CCDC122: variants seen among roughly 807,000 people sequenced by gnomAD.
CCDC122 encodes the protein coiled-coil domain-containing protein 122.
CCDC122 carries 38 observed loss-of-function variants against 37.0 expected under a neutral mutation model. The ratio of observed to expected loss-of-function variants is 1.03; its 90% CI spans 0.79 to 1.35. The LOEUF (loss-of-function observed/expected upper bound fraction) is 1.35, where lower values mean the gene tolerates loss of function less well. Among genes scored for constraint, CCDC122 ranks in the 40% most tolerant of loss-of-function variants. The pLI is 0.00. For synonymous variants in CCDC122, 83 were observed against 95.6 expected, an observed-to-expected ratio of 0.87 and a Z score of 0.77; for missense variants, 305 against 310.0, an observed-to-expected ratio of 0.98 and a Z score of 0.12.
chr13:43,846,960 A>C (rs1953559894), intron 6 of CCDC122, among the ~76,000 whole-genome samples: 1 of 152,216 alleles, frequency 6.6e-6, no homozygotes, highest in Non-Finnish European at 1.5e-5. Flanking sequence ...TACGTAACAG[A>C]AAGAGCACAG....
At chr13:43,855,366 CA>C (rs1953871667) in intron 6 of CCDC122, 2 of 42,648 alleles carry the variant, frequency 4.7e-5, no homozygotes, top group Non-Finnish European at 7.4e-5. Context: ...ACAGTTGCCA[CA>C]CACACACACA....
intron 6 of CCDC122, among the ~76,000 whole-genome samples, chr13:43,847,271 G>T (rs997904945): frequency 2.6e-5 from 4 of 152,134 alleles, no homozygotes; most frequent in Non-Finnish European, 5.9e-5. Context: ...ACCCACAGGG[G>T]TTTGTGTTTG....
downstream of CCDC122, among the ~76,000 whole-genome samples, chr13:43,823,021 G>T (rs551074446): frequency 2.0e-5 from 3 of 152,154 alleles, no homozygotes; most frequent in South Asian, 6.2e-4. Context: ...GGAGTCTTTT[G>T]CTGTAGTCAC....
intron 4 of CCDC122, among the ~76,000 whole-genome samples, chr13:43,861,201 G>A (rs1303080499): frequency 6.6e-6 from 1 of 152,148 alleles, no homozygotes; most frequent in East Asian, 1.9e-4. Flanking sequence ...GCCAACCCAG[G>A]CATGTCTTAT....
At chr13:43,832,363 T>C (rs573891090), downstream of CCDC122, among the ~76,000 whole-genome samples, 3 of 152,210 alleles carry the variant, frequency 2.0e-5, no homozygotes, top group South Asian at 6.2e-4. Flanking sequence ...CCCCCGCAAA[T>C]AGTTCCAAAT....
downstream of CCDC122, among the ~76,000 whole-genome samples, chr13:43,832,262 G>A (rs1594811197): frequency 1.4e-5 from 2 of 147,722 alleles, no homozygotes; most frequent in African/African-American, 5.0e-5. Context: ...CTTAGTTAAT[G>A]AAAAATAAAA....
downstream of CCDC122, among the ~76,000 whole-genome samples, chr13:43,821,735 G>A (rs1000888859): frequency 6.6e-6 from 1 of 152,028 alleles, no homozygotes; most frequent in African/African-American, 2.4e-5. Flanking sequence ...TCAAGCTCAC[G>A]AATTATTTCT....
At chr13:43,819,886 A>G (rs1479415201), downstream of CCDC122, among the ~76,000 whole-genome samples, 1 of 152,164 alleles carries the variant, frequency 6.6e-6, no homozygotes, top group Non-Finnish European at 1.5e-5. Flanking sequence ...AAAATATGAA[A>G]AAGAGAAACA....
chr13:43,829,249 T>C (rs1953066259), intron 3 of CCDC122, among the ~76,000 whole-genome samples: 1 of 152,190 alleles, frequency 6.6e-6, no homozygotes, highest in Non-Finnish European at 1.5e-5. Context: ...TATGCTAGTG[T>C]TTTTTGAGCT....
chr13:43,836,013 TTAA>T (rs1450794135), downstream of CCDC122, among the ~76,000 whole-genome samples: 7 of 152,222 alleles, frequency 4.6e-5, no homozygotes, highest in Non-Finnish European at 1.0e-4. Flanking sequence ...AATAAGATTA[TTAA>T]TATCAGGTTT....
chr13:43,838,309 T>C (rs1953229414), intron 6 of CCDC122, among the ~76,000 whole-genome samples: 1 of 152,186 alleles, frequency 6.6e-6, no homozygotes, highest in South Asian at 2.1e-4. Flanking sequence ...AGTGATTCAC[T>C]GAAACACAGA....
intron 4 of CCDC122, among the ~76,000 whole-genome samples, chr13:43,861,889 A>C (rs1954116195): frequency 1.3e-5 from 2 of 152,108 alleles, no homozygotes; most frequent in African/African-American, 2.4e-5. Context: ...GGATACTCAA[A>C]AGCCTAGAAA....
At chr13:43,875,940 T>C (rs1194738336) in intron 1 of CCDC122, among the ~76,000 whole-genome samples, 2 of 152,240 alleles carry the variant, frequency 1.3e-5, no homozygotes, top group Non-Finnish European at 2.9e-5. Flanking sequence ...TCTTCATTTA[T>C]TTCTACACAA....
intron 2 of CCDC122, among the ~76,000 whole-genome samples, chr13:43,872,266 C>T (rs1330022069): frequency 6.6e-6 from 1 of 152,164 alleles, no homozygotes; most frequent in South Asian, 2.1e-4. Flanking sequence ...GATTCCTTTG[C>T]ATTCACCCTC....
intron 4 of CCDC122, among the ~76,000 whole-genome samples, chr13:43,864,719 G>T (rs536065702): frequency 1.3e-3 from 196 of 152,242 alleles, no homozygotes; most frequent in African/African-American, 4.6e-3. Context: ...CAACATGAGG[G>T]TTGGAGGGGA....
intron 6 of CCDC122, among the ~76,000 whole-genome samples, chr13:43,846,236 G>A (rs1422728964): frequency 3.3e-5 from 5 of 151,902 alleles, no homozygotes; most frequent in South Asian, 2.1e-4. Context: ...CACCACGCCC[G>A]GCTAATTTTT....
intron 4 of CCDC122, among the ~76,000 whole-genome samples, chr13:43,865,520 A>G (rs1348488273): frequency 6.6e-6 from 1 of 152,190 alleles, no homozygotes; most frequent in Non-Finnish European, 1.5e-5. Context: ...ATTAGGCACA[A>G]TAAGAGAATA....
In CCDC122 at chr13:43,859,795, G is replaced by A. The variant is rs1014027405; in HGVS notation, c.432C>T (p.Ser144=). 7 of 1,609,134 alleles carry A rather than the reference G, an allele frequency of 4.4e-6. No homozygotes were observed. In the Admixed American group the frequency reaches 1.2e-4, roughly 27 times the overall value. ...AHKNSLGEVE[S]KWSFMTELHE... ...GGAGTTCAGTCATAAATGACCATTT[G>A]CTCTCTACTTCCCCCAAACTATTTT... The change falls in exon 5 of 7, where the codon AGC becomes AGT. Residue 144 remains serine (S), a synonymous_variant. Transcript: ENST00000444614.
intron 1 of CCDC122, among the ~76,000 whole-genome samples, chr13:43,877,375 TTC>T (rs1190292251): frequency 6.6e-6 from 1 of 152,250 alleles, no homozygotes; most frequent in African/African-American, 2.4e-5. Context: ...TTTTTCATGA[TTC>T]TGTGGTTTAA....
Sources: gnomAD v4.1 joint callset for allele counts (sites outside exome capture counted in the v4.1 genomes callset) on GRCh38, gnomAD v4.1.1 for gene constraint, MANE v1.5 for transcripts, NCBI Gene and HGNC (gene_info 2026-07-23, HGNC 2026-07-21) for gene names.